Variants in SPIDR observed in about 807,000 individuals in gnomAD.
The protein encoded by SPIDR is scaffold protein involved in DNA repair, also known as DNA repair-scaffolding protein.
SPIDR carries 93 observed loss-of-function variants against 104.6 expected under a neutral mutation model. That is an observed-to-expected ratio of 0.89 (90% CI 0.75 to 1.06). The LOEUF is 1.06. SPIDR is among the 50% of genes least tolerant of loss of function. The pLI is 0.00. For synonymous variants in SPIDR, 431 were observed against 416.9 expected (o/e 1.03, Z -0.41); for missense variants, 1,154 against 1,111.2 (o/e 1.04, Z -0.55).
intron 19 of SPIDR, among the ~76,000 whole-genome samples, chr8:47,732,905 A>G (rs2085497821): frequency 1.3e-5 from 2 of 152,234 alleles, no homozygotes; most frequent in South Asian, 4.1e-4. Flanking sequence ...TCTCAATAGT[A>G]ACATTATTGT....
chr8:47,591,027 A>G (rs546255348), intron 8 of SPIDR, among the ~76,000 whole-genome samples: 3 of 151,966 alleles, frequency 2.0e-5, no homozygotes, highest in Admixed American at 1.3e-4. Flanking sequence ...CATCCTACCT[A>G]TATGTCTGTA....
intron 10 of SPIDR, among the ~76,000 whole-genome samples, chr8:47,653,582 A>G (rs1245327274): frequency 2.6e-5 from 4 of 152,126 alleles, no homozygotes; most frequent in African/African-American, 9.7e-5. Flanking sequence ...GTAGCAATAT[A>G]TGTTTTGGTT....
chr8:47,589,888 C>G (rs1404499529), intron 8 of SPIDR, among the ~76,000 whole-genome samples: 2 of 151,964 alleles, frequency 1.3e-5, no homozygotes, highest in East Asian at 3.9e-4. Flanking sequence ...TTATTTCCAG[C>G]TGGGTACGGT....
At chr8:47,288,419 G>A (rs2039275937) in intron 3 of SPIDR, among the ~76,000 whole-genome samples, 1 of 151,910 alleles carries the variant, frequency 6.6e-6, no homozygotes, top group African/African-American at 2.4e-5. Flanking sequence ...CGAGTAGCTG[G>A]GATTACAGGT....
chr8:47,277,345 GTTATGT>G (rs1563462873), intron 1 of SPIDR, among the ~76,000 whole-genome samples: 19 of 147,810 alleles, frequency 1.3e-4, no homozygotes, highest in African/African-American at 4.6e-4. Flanking sequence ...GTTATGTTAT[GTTATGT>G]TATGTTATGT....
chr8:47,693,030 T>C (rs922230125), intron 11 of SPIDR, among the ~76,000 whole-genome samples: 2 of 152,234 alleles, frequency 1.3e-5, no homozygotes, highest in Non-Finnish European at 2.9e-5. Context: ...TTTTAATCAC[T>C]GCTATTCTAA....
At chr8:47,609,072 A>G (rs1317869936) in intron 10 of SPIDR, among the ~76,000 whole-genome samples, 1 of 152,244 alleles carries the variant, frequency 6.6e-6, no homozygotes, top group African/African-American at 2.4e-5. Context: ...TCTTCTTTAG[A>G]GAAATGTCTT....
chr8:47,695,704 C>T (rs1311482898), intron 11 of SPIDR, among the ~76,000 whole-genome samples: 2 of 152,190 alleles, frequency 1.3e-5, no homozygotes, highest in Non-Finnish European at 2.9e-5. Flanking sequence ...TTCCAGTGGA[C>T]TGGAGAGTGG....
At chr8:47,312,564 GTTGT>G (rs1415893425) in intron 5 of SPIDR, among the ~76,000 whole-genome samples, 11 of 152,042 alleles carry the variant, frequency 7.2e-5, no homozygotes, top group African/African-American at 2.7e-4. Context: ...TTTTGATGGG[GTTGT>G]TTGTTTTTTT....
chr8:47,285,965 C>T (rs1461002597), intron 3 of SPIDR, among the ~76,000 whole-genome samples: 2 of 152,150 alleles, frequency 1.3e-5, no homozygotes, highest in Non-Finnish European at 2.9e-5. Flanking sequence ...CAAGGACACC[C>T]TCTTTACAGC....
chr8:47,309,379 C>A (rs145315138), intron 5 of SPIDR, among the ~76,000 whole-genome samples: 1 of 152,084 alleles, frequency 6.6e-6, no homozygotes, highest in Non-Finnish European at 1.5e-5. Context: ...TATACTGTAT[C>A]TGTTCATTAT....
intron 11 of SPIDR, among the ~76,000 whole-genome samples, chr8:47,674,519 C>A (rs1014609866): frequency 2.0e-5 from 3 of 152,004 alleles, no homozygotes; most frequent in Non-Finnish European, 2.9e-5. Flanking sequence ...AAAAAAGAAA[C>A]ATTTTTAATG....
At chr8:47,353,724 T>A (rs1305330077) in intron 5 of SPIDR, among the ~76,000 whole-genome samples, 4 of 140,476 alleles carry the variant, frequency 2.8e-5, no homozygotes, top group African/African-American at 7.9e-5. Context: ...TTTTTTTTTT[T>A]AGTGTGGATT....
At chr8:47,289,963 T>A (rs1186298285) in intron 3 of SPIDR, among the ~76,000 whole-genome samples, 1 of 152,186 alleles carries the variant, frequency 6.6e-6, no homozygotes, top group Non-Finnish European at 1.5e-5. Flanking sequence ...ACAACTTAGA[T>A]GAATATCTAG....
intron 1 of SPIDR, 76 bp downstream of exon 1, chr8:47,261,067 C>T (rs1585938558): frequency 8.2e-7 from 1 of 1,218,546 alleles, no homozygotes; most frequent in African/African-American, 1.6e-5. Flanking sequence ...GCGGGGCTGG[C>T]CCCGTTGTGC....
intron 10 of SPIDR, among the ~76,000 whole-genome samples, chr8:47,671,076 A>T (rs2075725197): frequency 1.3e-5 from 2 of 151,726 alleles, no homozygotes; most frequent in Admixed American, 1.3e-4. Context: ...TACCCAGCTA[A>T]TTTTTTTATT....
At chr8:47,529,160 G>T (rs1402603304) in intron 8 of SPIDR, among the ~76,000 whole-genome samples, 1 of 152,160 alleles carries the variant, frequency 6.6e-6, no homozygotes, top group East Asian at 1.9e-4. Context: ...GGTGGCTCGG[G>T]CCTGTAATCC....
At chr8:47,557,979 A>T (rs941760727) in intron 8 of SPIDR, among the ~76,000 whole-genome samples, 2 of 152,224 alleles carry the variant, frequency 1.3e-5, no homozygotes, top group African/African-American at 4.8e-5. Context: ...CAGCCATAAA[A>T]AATGAAATCG....
At chr8:47,691,658 C>T (rs1237682816) in intron 11 of SPIDR, among the ~76,000 whole-genome samples, 1 of 152,206 alleles carries the variant, frequency 6.6e-6, no homozygotes, top group Non-Finnish European at 1.5e-5. Flanking sequence ...TATTCTAAGC[C>T]ATGTTCTCTT....
Sources: gnomAD v4.1 joint callset for allele counts (sites outside exome capture counted in the v4.1 genomes callset) on GRCh38, gnomAD v4.1.1 for gene constraint, MANE v1.5 for transcripts, NCBI Gene and HGNC (gene_info 2026-07-23, HGNC 2026-07-21) for gene names.